The following CNIH3 variants were observed in gnomAD, a reference collection of about 807,000 sequenced individuals.
The protein encoded by CNIH3 is protein cornichon homolog 3.
In CNIH3, 14 loss-of-function variants were observed where a neutral mutation model predicts 24.1. The ratio of observed to expected loss-of-function variants is 0.58; its 90% CI spans 0.38 to 0.91. The LOEUF is 0.91. Among genes scored for constraint, CNIH3 ranks in the 40% least tolerant of loss-of-function variants. The probability of loss-of-function intolerance (pLI) is 0.00; values close to 1 mark genes in which losing one functional copy is unlikely to be tolerated. For synonymous variants in CNIH3, 68 were observed against 73.8 expected, an observed-to-expected ratio of 0.92 and a Z score of 0.40; for missense variants, 178 against 196.8, an observed-to-expected ratio of 0.90 and a Z score of 0.57.
At chr1:224,727,299 CACTCA>C (rs1689083751) in intron 3 of CNIH3, among the ~76,000 whole-genome samples, 1 of 152,136 alleles carries the variant, frequency 6.6e-6, no homozygotes, top group South Asian at 2.1e-4. Context: ...ACAACAACAA[CACTCA>C]ACTCTTGGCA....
intron 1 of CNIH3, among the ~76,000 whole-genome samples, chr1:224,672,982 C>G (rs1685943485): frequency 6.6e-6 from 1 of 152,218 alleles, no homozygotes; most frequent in South Asian, 2.1e-4. Context: ...TAACCCAAAT[C>G]TGTCCTCCGA....
chr1:224,462,715 C>A (rs1337439839), intron 1 of CNIH3, among the ~76,000 whole-genome samples: 2 of 145,856 alleles, frequency 1.4e-5, no homozygotes, highest in Non-Finnish European at 3.0e-5. Flanking sequence ...TCACGGCTCA[C>A]CAGAGCCTCG....
At chr1:224,464,329 A>G (rs1335606772) in intron 1 of CNIH3, among the ~76,000 whole-genome samples, 2 of 151,090 alleles carry the variant, frequency 1.3e-5, no homozygotes, top group African/African-American at 2.4e-5. Context: ...TGGGGTCTCT[A>G]TATGTTGCCC....
intron 1 of CNIH3, among the ~76,000 whole-genome samples, chr1:224,495,182 A>G (rs10916625): frequency 0.23 from 34,914 of 152,054 alleles, 4,249 homozygotes; most frequent in South Asian, 0.35. Flanking sequence ...TGGCTGTTCA[A>G]TGAGCCTCCT....
At chr1:224,515,424 T>A (rs1407389372), upstream of CNIH3, among the ~76,000 whole-genome samples, 1 of 152,236 alleles carries the variant, frequency 6.6e-6, no homozygotes, top group African/African-American at 2.4e-5. Flanking sequence ...TCAGCTAATA[T>A]CTTGAGCACA....
chr1:224,601,574 T>C (rs924972635), intron 3 of CNIH3, among the ~76,000 whole-genome samples: 6 of 152,244 alleles, frequency 3.9e-5, no homozygotes, highest in African/African-American at 1.4e-4. Context: ...GACAATCACC[T>C]GATGGTCGTC....
At chr1:224,710,808 C>T (rs1157452236) in intron 3 of CNIH3, among the ~76,000 whole-genome samples, 2 of 152,200 alleles carry the variant, frequency 1.3e-5, no homozygotes, top group East Asian at 1.9e-4. Flanking sequence ...TACATTTCAG[C>T]TCAAGTGTCG....
chr1:224,598,473 G>T (rs1178727937), intron 3 of CNIH3, among the ~76,000 whole-genome samples: 1 of 152,210 alleles, frequency 6.6e-6, no homozygotes, highest in African/African-American at 2.4e-5. Context: ...TAGTGGCAGG[G>T]TATGAAAGAA....
chr1:224,708,509 G>A (rs1366825669), intron 3 of CNIH3, among the ~76,000 whole-genome samples: 2 of 152,102 alleles, frequency 1.3e-5, no homozygotes, highest in Non-Finnish European at 2.9e-5. Context: ...CCCCGCCTGC[G>A]CTTCCTGACT....
intron 4 of CNIH3, among the ~76,000 whole-genome samples, chr1:224,572,231 C>T (rs1043273956): frequency 1.3e-5 from 2 of 152,072 alleles, no homozygotes; most frequent in Non-Finnish European, 2.9e-5. Flanking sequence ...TATAAGAATT[C>T]ACAGCCCAGT....
chr1:224,730,604 CG>C (rs1247284846), intron 4 of CNIH3, 30 bp downstream of exon 4: 1 of 1,393,170 alleles, frequency 7.2e-7, no homozygotes, highest in Non-Finnish European at 1.0e-6. Context: ...GTATATCCTT[CG>C]TCTTTTCTGC....
At position 224,739,808 on chromosome 1, in the gene CNIH3, A is replaced by G; in HGVS notation, c.*452A>G. On this transcript the variant is annotated 3_prime_UTR_variant, in exon 6 of 6. Coordinates refer to ENST00000272133, the MANE Select transcript of CNIH3 (RefSeq NM_152495.2). The stretch of plus-strand genomic sequence containing the variant: ...GCCAAGTCTGCAGGGACCTGTTGAA[A>G]GCCTCGAGAATGTCTTGGCTGCCCA... 6.2e-6 allele frequency: 1 copy of G among 162,476 alleles called. No individual in the cohort carries two copies. Among genetic ancestry groups the G allele is most frequent in the Non-Finnish European group, 1.3e-5 (1 of 75,572 alleles). The allele number at this position is 162,476 out of a possible 1,614,324, so 10.1% of individuals were successfully genotyped here. A position where few individuals can be genotyped will look rare whatever the true frequency, so the allele number is the denominator to read the frequency against.
At chr1:224,636,868 G>C (rs960764956) in intron 1 of CNIH3, among the ~76,000 whole-genome samples, 1 of 151,886 alleles carries the variant, frequency 6.6e-6, no homozygotes, top group African/African-American at 2.4e-5. Context: ...GTTGCTTTAA[G>C]ATTTTTATTT....
intron 1 of CNIH3, among the ~76,000 whole-genome samples, chr1:224,504,032 C>T (rs59066189): frequency 0.088 from 13,338 of 152,284 alleles, 1,769 homozygotes; most frequent in African/African-American, 0.29. Context: ...CATTTCCTTG[C>T]TCCCTTTAAG....
At chr1:224,737,050 T>C (rs1281728034) in intron 5 of CNIH3, among the ~76,000 whole-genome samples, 2 of 152,152 alleles carry the variant, frequency 1.3e-5, no homozygotes, top group South Asian at 4.1e-4. Flanking sequence ...ATTGTTTTCA[T>C]TAGCTCCTGC....
At chr1:224,628,474 C>T (rs1683651970) in intron 1 of CNIH3, among the ~76,000 whole-genome samples, 1 of 152,046 alleles carries the variant, frequency 6.6e-6, no homozygotes, top group Admixed American at 6.5e-5. Context: ...CACCACCATT[C>T]TACCTTGTCC....
At chr1:224,512,745 C>T (rs183331553), upstream of CNIH3, among the ~76,000 whole-genome samples, 840 of 152,292 alleles carry the variant, frequency 5.5e-3, 27 homozygotes, top group Admixed American at 0.051. Context: ...TTCCTCCAGC[C>T]CCTGAGGTGG....
intron 3 of CNIH3, among the ~76,000 whole-genome samples, chr1:224,562,743 C>T (rs566777975): frequency 4.5e-4 from 68 of 152,166 alleles, no homozygotes; most frequent in African/African-American, 1.6e-3. Context: ...CTCACTGTCT[C>T]TCTCTTGCCC....
chr1:224,511,137 G>C (rs954001846), upstream of CNIH3, among the ~76,000 whole-genome samples: 4 of 152,204 alleles, frequency 2.6e-5, no homozygotes, highest in South Asian at 2.1e-4. Flanking sequence ...GAGAAGAATG[G>C]GAGCGGCAGA....
Sources: gnomAD v4.1 joint callset for allele counts (sites outside exome capture counted in the v4.1 genomes callset) on GRCh38, gnomAD v4.1.1 for gene constraint, MANE v1.5 for transcripts, NCBI Gene and HGNC (gene_info 2026-07-23, HGNC 2026-07-21) for gene names.